Variants in LRRC39 observed in about 807,000 individuals in gnomAD.
LRRC39 encodes leucine-rich repeat-containing protein 39.
LRRC39 carries 35 observed loss-of-function variants against 39.7 expected under a neutral mutation model. The ratio of observed to expected loss-of-function variants is 0.88; its 90% CI spans 0.67 to 1.17. The LOEUF (loss-of-function observed/expected upper bound fraction) is 1.17, where lower values mean the gene tolerates loss of function less well. Among genes scored for constraint, LRRC39 ranks in the 50% most tolerant of loss-of-function variants. The probability of loss-of-function intolerance (pLI) is 0.00; values close to 1 mark genes in which losing one functional copy is unlikely to be tolerated. For synonymous variants in LRRC39, 113 were observed against 134.1 expected, an observed-to-expected ratio of 0.84 and a Z score of 1.09; for missense variants, 357 against 385.8, an observed-to-expected ratio of 0.93 and a Z score of 0.62.
At position 100,160,459 on chromosome 1, in the gene LRRC39, A is replaced by G. The variant is rs965115127; in HGVS notation, c.219+7T>C. ...TGTGGAAAATCAAATATTCTATAAA[A>G]GCTTACCTTCCATTCCTCTTTTTCT... On this transcript the variant is annotated splice_region_variant and intron_variant, in intron 4 of 9. Transcript: ENST00000370137. The G allele has an allele frequency of 6.2e-7, 1 of 1,607,534 alleles. No individual in the cohort carries two copies. Among genetic ancestry groups the G allele is most frequent in the Non-Finnish European group, 8.5e-7 (1 of 1,175,562 alleles).
chr1:100,162,156 A>G (rs1489934016), intron 3 of LRRC39, among the ~76,000 whole-genome samples: 1 of 152,158 alleles, frequency 6.6e-6, no homozygotes, highest in Non-Finnish European at 1.5e-5. Context: ...ATCTATAGAT[A>G]TTTAATAGAC....
upstream of LRRC39, among the ~76,000 whole-genome samples, chr1:100,179,499 C>CAAAAAAAAAAAAAAAAAAA (rs60588308): frequency 1.1e-4 from 5 of 45,616 alleles, no homozygotes; most frequent in African/African-American, 4.1e-4. Flanking sequence ...CTGTATCTAC[C>CAAAAAAAAAAAAAAAAAAA]AAAAAAAAAA....
intron 4 of LRRC39, 105 bp from the exon 5 acceptor site, chr1:100,159,520 G>A: frequency 1.1e-6 from 1 of 941,576 alleles, no homozygotes; most frequent in Admixed American, 3.5e-5. Flanking sequence ...TGGAATATTT[G>A]GAATTTGTTT....
upstream of LRRC39, among the ~76,000 whole-genome samples, chr1:100,179,425 G>A (rs368062108): frequency 2.3e-5 from 3 of 130,992 alleles, no homozygotes; most frequent in African/African-American, 8.4e-5. Context: ...ACTTTGAGAG[G>A]CCAAGATGGT....
intron 3 of LRRC39, among the ~76,000 whole-genome samples, 175 bp downstream of exon 3, chr1:100,168,229 C>A (rs1659375104): frequency 6.6e-6 from 1 of 152,006 alleles, no homozygotes; most frequent in Non-Finnish European, 1.5e-5. Context: ...TTTTGTGACT[C>A]CTATCGCATA....
chr1:100,158,381 T>C lies in LRRC39; in HGVS notation c.377-14A>G. 6 of 1,604,364 alleles carry C rather than the reference T, an allele frequency of 3.7e-6. No individual in the cohort carries two copies. The highest frequency in any genetic ancestry group is 5.1e-6 in the Non-Finnish European group (6 of 1,172,620). The stretch of plus-strand genomic sequence containing the variant: ...TAGTAAGCAGTCCTATAAAAAATAA[T>C]ATACAATAGAGAGGAGTTGGATATA... On this transcript the variant is annotated splice_polypyrimidine_tract_variant and intron_variant, in intron 5 of 9. Coordinates refer to ENST00000370137, the MANE Select transcript of LRRC39 (RefSeq NM_144620.4).
At chr1:100,155,729 C>A (rs1191252639) in intron 7 of LRRC39, among the ~76,000 whole-genome samples, 1 of 152,172 alleles carries the variant, frequency 6.6e-6, no homozygotes, top group Non-Finnish European at 1.5e-5. Flanking sequence ...AACTCTGGGG[C>A]CAGGCTGCCT....
In LRRC39 at chr1:100,159,409, G is replaced by C; in HGVS notation, c.226C>G (p.Pro76Ala). 6.2e-7 allele frequency: 1 copy of C among 1,604,984 alleles called. No individual in the cohort carries two copies. Among genetic ancestry groups the C allele is most frequent in the Non-Finnish European group, 8.5e-7 (1 of 1,175,938 alleles). The change falls in exon 5 of 10, where the codon CCT (proline) becomes GCT (alanine). Residue 76 changes from proline (P) to alanine (A), a missense_variant. Physicochemically the swap from Pro to Ala is conservative, Grantham distance 27. Coordinates refer to ENST00000370137, the MANE Select transcript of LRRC39 (RefSeq NM_144620.4). ...KIEKEEWKTL[P>A]SSLLKLNQLQ... ...TGATTCAGTTTCAGCAGAGAAGAAG[G>C]GAGGGTCTACAGTAAAAGAAATGAT...
At chr1:100,162,695 A>G (rs1436147569) in intron 3 of LRRC39, among the ~76,000 whole-genome samples, 2 of 152,198 alleles carry the variant, frequency 1.3e-5, no homozygotes, top group Non-Finnish European at 2.9e-5. Context: ...AGCTATTTCT[A>G]TCCCAGAAAA....
In LRRC39 at chr1:100,167,778, AAATAATAATAATAATAATAAT is replaced by A. The variant is rs5776500; in HGVS notation, c.113+605_113+625del. 8.8e-3 allele frequency among the ~76,000 whole-genome samples: 1,204 copies of A among 137,390 alleles called. 9 individuals carry two copies. Among genetic ancestry groups the A allele is most frequent in the Non-Finnish European group, 0.014 (876 of 64,404 alleles). 90.1% of individuals were successfully genotyped at this position (137,390 alleles called of 152,430 possible). A position where few individuals can be genotyped will look rare whatever the true frequency, so the allele number is the denominator to read the frequency against. On this transcript the variant is annotated intron_variant, in intron 3 of 9. Transcript: ENST00000370137. ...GCGACAGAGTGAGTCTCCATTTCAA[AAATAATAATAATAATAATAAT>A]AATAATAATAATAATAATAATAATA...
At chr1:100,176,137 G>GT (rs1218654994) in intron 1 of LRRC39, among the ~76,000 whole-genome samples, 1 of 152,146 alleles carries the variant, frequency 6.6e-6, no homozygotes, top group Non-Finnish European at 1.5e-5. Context: ...GTAAAACAAT[G>GT]TTTTAAAAGC....
chr1:100,154,126 C>T (rs557933838), intron 8 of LRRC39, among the ~76,000 whole-genome samples: 2 of 151,208 alleles, frequency 1.3e-5, no homozygotes, highest in African/African-American at 2.4e-5. Flanking sequence ...ATACAAACAG[C>T]GAAGAACCAA....
chr1:100,172,920 AC>A (rs1274813905), intron 2 of LRRC39, among the ~76,000 whole-genome samples: 13 of 150,122 alleles, frequency 8.7e-5, no homozygotes, highest in Non-Finnish European at 1.9e-4. Context: ...AGATCATGCC[AC>A]TGCACTCCAT....
At position 100,148,835 on chromosome 1, in the gene LRRC39, G is replaced by T; in HGVS notation, c.*207C>A. 1 of 1,423,990 alleles carries T rather than the reference G, an allele frequency of 7.0e-7. No individual in the cohort carries two copies. 88.2% of individuals were successfully genotyped at this position (1,423,990 alleles called of 1,614,324 possible). On this transcript the variant is annotated 3_prime_UTR_variant, in exon 10 of 10. Coordinates refer to ENST00000370137, the MANE Select transcript of LRRC39 (RefSeq NM_144620.4). ...CAACTGCTTAATGGAAAAGAAATTT[G>T]AGCATCATCTGTCTTCCACCAAAAA...
At chr1:100,166,080 G>A (rs1557927655) in intron 3 of LRRC39, among the ~76,000 whole-genome samples, 1 of 151,956 alleles carries the variant, frequency 6.6e-6, no homozygotes, top group Non-Finnish European at 1.5e-5. Context: ...TCTCTTTGCT[G>A]ACTGTCATGT....
intron 1 of LRRC39, among the ~76,000 whole-genome samples, chr1:100,176,683 C>G (rs993916251): frequency 6.6e-6 from 1 of 152,142 alleles, no homozygotes; most frequent in African/African-American, 2.4e-5. Context: ...AAAGGAGAAT[C>G]TATTTTAACA....
intron 2 of LRRC39, among the ~76,000 whole-genome samples, chr1:100,172,429 G>C (rs1659677681): frequency 6.6e-6 from 1 of 152,192 alleles, no homozygotes; most frequent in African/African-American, 2.4e-5. Context: ...GCTCATGCAT[G>C]TAATTCCAGC....
intron 5 of LRRC39, among the ~76,000 whole-genome samples, 188 bp downstream of exon 5, chr1:100,159,071 C>G (rs1658685424): frequency 6.6e-6 from 1 of 152,108 alleles, no homozygotes; most frequent in South Asian, 2.1e-4. Context: ...GAAATCTCAT[C>G]TTGAATCACC....
At chr1:100,172,181 T>C (rs1180934780) in intron 2 of LRRC39, among the ~76,000 whole-genome samples, 1 of 151,798 alleles carries the variant, frequency 6.6e-6, no homozygotes, top group African/African-American at 2.4e-5. Flanking sequence ...ATTTGAGGGG[T>C]AAAAAATAAC....
Sources: allele counts gnomAD v4.1 joint callset (sites outside exome capture counted in the v4.1 genomes callset), GRCh38; gene constraint gnomAD v4.1.1; transcripts MANE v1.5; gene names NCBI Gene and HGNC (gene_info 2026-07-23, HGNC 2026-07-21).